The following SPAM1 variants were observed in gnomAD, a reference collection of about 807,000 sequenced individuals.
The protein encoded by SPAM1 is sperm adhesion molecule 1.
Under a neutral mutation model 29.6 loss-of-function variants are expected in SPAM1, and 22 were observed. The ratio of observed to expected loss-of-function variants is 0.74; its 90% CI spans 0.53 to 1.06. The LOEUF is 1.06. Ranked by LOEUF, SPAM1 falls within the 50% of genes least tolerant of loss-of-function variation. The pLI is 0.00. For missense variants in SPAM1, 534 were observed against 604.0 expected (o/e 0.88, Z 1.21); for synonymous variants, 194 against 204.6 (o/e 0.95, Z 0.44).
downstream of SPAM1, among the ~76,000 whole-genome samples, chr7:123,960,567 T>C (rs2117073642): frequency 6.6e-6 from 1 of 152,110 alleles, no homozygotes; most frequent in South Asian, 2.1e-4. Flanking sequence ...AGGAATACTT[T>C]CAGTGTATAC....
chr7:123,965,192 C>T (rs73228007), intron 5 of SPAM1, among the ~76,000 whole-genome samples: 19,011 of 151,920 alleles, frequency 0.13, 1,281 homozygotes, highest in South Asian at 0.15. Flanking sequence ...GTGTATTCCA[C>T]CATTATACAA....
At chr7:123,949,067 C>A (rs1179566322) in intron 1 of SPAM1, among the ~76,000 whole-genome samples, 1 of 150,836 alleles carries the variant, frequency 6.6e-6, no homozygotes, top group Non-Finnish European at 1.5e-5. Flanking sequence ...TAAATATACT[C>A]AGTAAAATTT....
intron 1 of SPAM1, among the ~76,000 whole-genome samples, chr7:123,936,974 T>C (rs978865928): frequency 2.6e-5 from 4 of 152,204 alleles, no homozygotes; most frequent in Non-Finnish European, 4.4e-5. Flanking sequence ...CTCACCTTTC[T>C]TATTAACCAC....
chr7:123,933,633 G>A (rs2117023702), intron 1 of SPAM1, among the ~76,000 whole-genome samples: 1 of 152,258 alleles, frequency 6.6e-6, no homozygotes, highest in Middle Eastern at 3.4e-3. Flanking sequence ...GTCTTCATAA[G>A]AATGTTCTCT....
At chr7:123,942,193 A>C (rs1446824712) in intron 1 of SPAM1, among the ~76,000 whole-genome samples, 2 of 152,236 alleles carry the variant, frequency 1.3e-5, no homozygotes, top group Non-Finnish European at 1.5e-5. Context: ...AAAATGGGGA[A>C]AAAGAGGAAT....
chr7:123,966,851 G>A (rs1792431362), intron 5 of SPAM1, among the ~76,000 whole-genome samples: 1 of 151,936 alleles, frequency 6.6e-6, no homozygotes, highest in African/African-American at 2.4e-5. Flanking sequence ...AACAACCATG[G>A]CACACATCTA....
intron 1 of SPAM1, among the ~76,000 whole-genome samples, chr7:123,934,829 G>A (rs948503023): frequency 2.0e-5 from 3 of 152,114 alleles, no homozygotes; most frequent in Non-Finnish European, 4.4e-5. Context: ...ACTAGAAGCT[G>A]GGAAGAGGAG....
At chr7:123,940,948 A>G (rs1431954415) in intron 1 of SPAM1, among the ~76,000 whole-genome samples, 1 of 152,222 alleles carries the variant, frequency 6.6e-6, no homozygotes, top group South Asian at 2.1e-4. Flanking sequence ...ATTCATGTTT[A>G]ATGATTGTGA....
intron 5 of SPAM1, among the ~76,000 whole-genome samples, chr7:123,968,547 G>T (rs533617244): frequency 6.6e-6 from 1 of 152,072 alleles, no homozygotes; most frequent in East Asian, 1.9e-4. Flanking sequence ...AGGTTTGGGG[G>T]ATTAGGTTTT....
chr7:123,955,040 C>T lies in SPAM1; in HGVS notation c.998C>T (p.Ala333Val), dbSNP rs532416858. 6.6e-5 allele frequency: 107 copies of T among 1,611,650 alleles called. No individual in the cohort carries two copies. Among genetic ancestry groups the T allele is most frequent in the Admixed American group, 5.8e-4 (35 of 59,842 alleles). Residue 333 changes from alanine (A) to valine (V), a missense_variant, in exon 4 of 5, where the codon GCT becomes GTT. By Grantham distance (64) the Ala-to-Val change is moderately conservative. Transcript: ENST00000682466. Reference protein sequence around the residue: ...YTFGETVALGASGIVIWGTLS... With the variant: ...YTFGETVALGVSGIVIWGTLS... ...TTTGGCGAAACTGTTGCTCTGGGTG[C>T]TTCTGGAATTGTAATATGGGGAACC...
At chr7:123,949,139 G>A (rs1808686146) in intron 1 of SPAM1, among the ~76,000 whole-genome samples, 1 of 151,970 alleles carries the variant, frequency 6.6e-6, no homozygotes, top group Non-Finnish European at 1.5e-5. Context: ...AGAATCCCCT[G>A]TACAAGCATC....
In SPAM1 at chr7:123,956,141, G is replaced by A. The variant is rs547643799; in HGVS notation, c.1044+1055G>A. 3.3e-5 allele frequency among the ~76,000 whole-genome samples: 5 copies of A among 151,896 alleles called. No individual in the cohort carries two copies. In the South Asian group the frequency reaches 6.2e-4, roughly 19 times the overall value. The stretch of plus-strand genomic sequence containing the variant: ...TAAGTGTCATGCTTGTTTTTTAATG[G>A]CACTTTAAGCTTAGATTCAAATTCT... On this transcript the variant is annotated intron_variant, in intron 4 of 4. Transcript: ENST00000682466.
intron 1 of SPAM1, among the ~76,000 whole-genome samples, chr7:123,947,501 G>A (rs1808615626): frequency 6.6e-6 from 1 of 151,892 alleles, no homozygotes; most frequent in African/African-American, 2.4e-5. Flanking sequence ...AGTGAGCTAA[G>A]ATGGTGCCAC....
chr7:123,938,558 T>C (rs17627051), intron 1 of SPAM1, among the ~76,000 whole-genome samples: 43,808 of 152,100 alleles, frequency 0.29, 6,525 homozygotes, highest in Admixed American at 0.37. Context: ...ACAATTGATG[T>C]GATTGGGTCC....
chr7:123,930,147 G>A (rs2117017167), intron 1 of SPAM1, among the ~76,000 whole-genome samples: 1 of 152,146 alleles, frequency 6.6e-6, no homozygotes, highest in African/African-American at 2.4e-5. Context: ...CCTAAGCCTA[G>A]CCAAAATGCT....
chr7:123,933,213 C>A (rs2117022943), intron 1 of SPAM1, among the ~76,000 whole-genome samples: 1 of 151,772 alleles, frequency 6.6e-6, no homozygotes, highest in South Asian at 2.1e-4. Flanking sequence ...TATTGCTCTC[C>A]CCCTCCTTGC....
At position 123,954,522 on chromosome 7, in the gene SPAM1, C is replaced by T. The variant is rs1792203871; in HGVS notation, c.952C>T (p.Gln318Ter). The change falls in exon 3 of 5, where the codon CAA becomes TAA. Residue 318 changes from glutamine (Q) to a stop codon, truncating the protein, a stop_gained and splice_region_variant. Transcript: ENST00000682466. LOFTEE classifies it high-confidence loss of function. Reference protein sequence around the residue: ...FTDQVLKFLSQDELVYTFGET... With the variant: ...FTDQVLKFLS ...TGATCAAGTTTTGAAATTCCTTTCT[C>T]AAGTAAGTAAATCAGGGTATGAGGG... 1 of 1,580,388 alleles carries T rather than the reference C, an allele frequency of 6.3e-7. No individual in the cohort carries two copies. Among genetic ancestry groups the T allele is most frequent in the African/African-American group, 1.4e-5 (1 of 73,980 alleles).
chr7:123,970,703 C>T (rs1193887925), intron 6 of SPAM1, among the ~76,000 whole-genome samples: 3 of 151,012 alleles, frequency 2.0e-5, no homozygotes, highest in Admixed American at 1.3e-4. Context: ...AAATCAGTAC[C>T]CTTAGAATGT....
intron 1 of SPAM1, among the ~76,000 whole-genome samples, chr7:123,933,949 G>A (rs1435956684): frequency 6.6e-6 from 1 of 152,102 alleles, no homozygotes; most frequent in Non-Finnish European, 1.5e-5. Context: ...TCATTGTACT[G>A]TCATAGTGCA....
Sources: allele counts gnomAD v4.1 joint callset (sites outside exome capture counted in the v4.1 genomes callset), GRCh38; gene constraint gnomAD v4.1.1; transcripts MANE v1.5; gene names NCBI Gene and HGNC (gene_info 2026-07-23, HGNC 2026-07-21).